ITGA9: variants seen among roughly 807,000 people sequenced by gnomAD.
ITGA9 encodes the protein integrin subunit alpha 9, also known as integrin alpha-9.
In ITGA9, 56 loss-of-function variants were observed where a neutral mutation model predicts 127.8. The ratio of observed to expected loss-of-function variants is 0.44; its 90% CI spans 0.35 to 0.55. The LOEUF (loss-of-function observed/expected upper bound fraction) is 0.55, where lower values mean the gene tolerates loss of function less well. Ranked by LOEUF, ITGA9 falls within the 20% of genes least tolerant of loss-of-function variation. The probability of loss-of-function intolerance (pLI) is 0.00; values close to 1 mark genes in which losing one functional copy is unlikely to be tolerated. For missense variants in ITGA9, 1,196 were observed against 1,347.1 expected (o/e 0.89, Z 1.76); for synonymous variants, 508 against 514.5 (o/e 0.99, Z 0.17).
intron 18 of ITGA9, among the ~76,000 whole-genome samples, chr3:37,709,873 G>A (rs774207687): frequency 6.6e-6 from 1 of 152,236 alleles, no homozygotes; most frequent in Non-Finnish European, 1.5e-5. Flanking sequence ...TACTCAGGAA[G>A]CAGAGGCAGG....
intron 26 of ITGA9, among the ~76,000 whole-genome samples, chr3:37,792,758 G>A (rs1259955396): frequency 1.3e-5 from 2 of 152,196 alleles, no homozygotes; most frequent in Admixed American, 6.5e-5. Context: ...AGGGGCAAAG[G>A]TGGAAATAAG....
rs10624727 is a variant in ITGA9, at chr3:37,490,966, T to TCCCCCC, written c.545-3533_545-3528dup. On this transcript the variant is annotated intron_variant, in intron 4 of 27. Coordinates refer to ENST00000264741, the MANE Select transcript of ITGA9 (RefSeq NM_002207.3). The stretch of plus-strand genomic sequence containing the variant: ...TATCTTTTGGGTCTCAGATTTGGCT[T>TCCCCCC]CCCCCCCGCTTTTTTTTTTTTTTTT... Among the ~76,000 whole-genome samples, 11 of 108,712 alleles carry TCCCCCC rather than the reference T, an allele frequency of 1.0e-4. 2 individuals are homozygous for TCCCCCC. The highest frequency in any genetic ancestry group is 3.1e-4 in the East Asian group (1 of 3,274). 71.3% of individuals were successfully genotyped at this position (108,712 alleles called of 152,430 possible). A position where few individuals can be genotyped will look rare whatever the true frequency, so the allele number is the denominator to read the frequency against.
chr3:37,679,821 G>A (rs1454572662), intron 17 of ITGA9, among the ~76,000 whole-genome samples: 3 of 152,298 alleles, frequency 2.0e-5, no homozygotes, highest in Non-Finnish European at 4.4e-5. Context: ...GTCACTAGGA[G>A]TTCAACGATA....
At chr3:37,728,112 C>A (rs1221243846) in intron 18 of ITGA9, among the ~76,000 whole-genome samples, 13 of 152,216 alleles carry the variant, frequency 8.5e-5, no homozygotes, top group African/African-American at 2.9e-4. Context: ...AGTCTCATAA[C>A]CATCAGCCTT....
intron 4 of ITGA9, among the ~76,000 whole-genome samples, chr3:37,489,735 A>AT (rs1645652299): frequency 7.5e-6 from 1 of 134,032 alleles, no homozygotes. Context: ...GCCCAAATGC[A>AT]TTGTTTCCTG....
chr3:37,594,380 C>T (rs186049276), intron 15 of ITGA9, among the ~76,000 whole-genome samples: 18 of 152,310 alleles, frequency 1.2e-4, no homozygotes, highest in African/African-American at 4.3e-4. Flanking sequence ...TCAGCAAGCT[C>T]CTCTGCCTCT....
At chr3:37,575,719 A>G (rs1699648130) in intron 15 of ITGA9, among the ~76,000 whole-genome samples, 1 of 152,038 alleles carries the variant, frequency 6.6e-6, no homozygotes, top group African/African-American at 2.4e-5. Context: ...TCCTGGTAGA[A>G]GGGAGACAGT....
chr3:37,702,554 C>T (rs556423481), intron 18 of ITGA9, among the ~76,000 whole-genome samples: 17 of 152,104 alleles, frequency 1.1e-4, no homozygotes, highest in Middle Eastern at 3.4e-3. Context: ...TGCAGTGACT[C>T]CCCTCAAAAG....
chr3:37,510,946 C>A (rs951968073), intron 8 of ITGA9, among the ~76,000 whole-genome samples: 1 of 152,178 alleles, frequency 6.6e-6, no homozygotes, highest in African/African-American at 2.4e-5. Context: ...ACTTATTCTA[C>A]TTCTTGCCAG....
At chr3:37,813,561 A>G (rs989439690) in intron 27 of ITGA9, among the ~76,000 whole-genome samples, 2 of 152,232 alleles carry the variant, frequency 1.3e-5, no homozygotes, top group South Asian at 4.1e-4. Context: ...ACTTGCATTT[A>G]TTGAGAACTG....
intron 26 of ITGA9, among the ~76,000 whole-genome samples, chr3:37,791,594 G>A (rs1697110910): frequency 6.6e-6 from 1 of 152,194 alleles, no homozygotes; most frequent in African/African-American, 2.4e-5. Context: ...TCTACCTCGT[G>A]CTCTGGAGTC....
intron 22 of ITGA9, chr3:37,745,583 C>T (rs1455530499): frequency 6.6e-6 from 1 of 152,204 alleles, no homozygotes; most frequent in East Asian, 1.9e-4. Context: ...AGATGTAGTT[C>T]AGAAAATTAT....
intron 3 of ITGA9, among the ~76,000 whole-genome samples, chr3:37,477,584 G>A (rs1698506751): frequency 6.6e-6 from 1 of 152,148 alleles, no homozygotes; most frequent in South Asian, 2.1e-4. Flanking sequence ...CAGGATTAGA[G>A]GCAAGCCCCT....
At chr3:37,541,227 G>A (rs74473984) in intron 14 of ITGA9, among the ~76,000 whole-genome samples, 5,821 of 152,356 alleles carry the variant, frequency 0.038, 126 homozygotes, top group Non-Finnish European at 0.051. Flanking sequence ...AGAGGCAGGT[G>A]TGTGGAGACA....
chr3:37,781,872 G>A lies in ITGA9; in HGVS notation c.2787+1851G>A, dbSNP rs1439247253. ...GTTTTTCCATTTTCAATCTGTAGCC[G>A]TTACAGCCCTCACACACCTGAAGAG... On this transcript the variant is annotated intron_variant, in intron 25 of 27. Coordinates refer to ENST00000264741, the MANE Select transcript of ITGA9 (RefSeq NM_002207.3). 3.9e-5 allele frequency among the ~76,000 whole-genome samples: 6 copies of A among 152,168 alleles called. No homozygotes were observed. In the South Asian group the frequency reaches 8.3e-4, roughly 21 times the overall value.
At chr3:37,493,329 A>G (rs1272499406) in intron 4 of ITGA9, among the ~76,000 whole-genome samples, 1 of 152,244 alleles carries the variant, frequency 6.6e-6, no homozygotes, top group Non-Finnish European at 1.5e-5. Context: ...CATTTCAAAA[A>G]TAATGATATT....
rs550889169 is a variant in ITGA9 at position 37,470,934 on chromosome 3, G to C, written c.186-73G>C. On this transcript the variant is annotated intron_variant, in intron 1 of 27. Transcript: ENST00000264741. Reference sequence around the variant, plus strand: ...ACTCAGAGAGCCCACCCGTGGTTGGGTGAATACTTAGCCATCTGCCTCCTA... The same window carrying C: ...ACTCAGAGAGCCCACCCGTGGTTGGCTGAATACTTAGCCATCTGCCTCCTA... The C allele has an allele frequency of 4.5e-6, 7 of 1,542,266 alleles. No homozygotes were observed. The East Asian group carries it at 1.6e-4, about 35-fold the overall frequency.
chr3:37,728,199 A>G (rs1477999665), intron 18 of ITGA9, among the ~76,000 whole-genome samples: 1 of 152,204 alleles, frequency 6.6e-6, no homozygotes, highest in Non-Finnish European at 1.5e-5. Context: ...ATCAGAGCAC[A>G]GAAGAAGCCT....
chr3:37,461,496 G>A (rs192510327), intron 1 of ITGA9, among the ~76,000 whole-genome samples: 157 of 152,284 alleles, frequency 1.0e-3, no homozygotes, highest in Admixed American at 2.7e-3. Context: ...ATAGATGCTC[G>A]TAGTTATTTC....
Sources: allele counts gnomAD v4.1 joint callset (sites outside exome capture counted in the v4.1 genomes callset), GRCh38; gene constraint gnomAD v4.1.1; transcripts MANE v1.5; gene names NCBI Gene and HGNC (gene_info 2026-07-23, HGNC 2026-07-21).